The following SCARB1 variants were observed in gnomAD, a reference collection of about 807,000 sequenced individuals.
The protein encoded by SCARB1 is CD36 and LIMPII analogous 1.
SCARB1 carries 30 observed loss-of-function variants against 57.2 expected under a neutral mutation model. That is an observed-to-expected ratio of 0.52 (90% CI 0.39 to 0.71). The LOEUF is 0.71. Among genes scored for constraint, SCARB1 ranks in the 30% least tolerant of loss-of-function variants. The probability of loss-of-function intolerance (pLI) is 0.00; values close to 1 mark genes in which losing one functional copy is unlikely to be tolerated. For synonymous variants in SCARB1, 249 were observed against 268.3 expected (o/e 0.93, Z 0.70); for missense variants, 543 against 671.2 (o/e 0.81, Z 2.11).
At chr12:124,811,813 G>T in intron 5 of SCARB1, 57 bp downstream of exon 5, 2 of 1,261,282 alleles carry the variant, frequency 1.6e-6, no homozygotes, top group Non-Finnish European at 2.3e-6. Flanking sequence ...AGCAGCCATG[G>T]CCGGGCCCAC....
intron 1 of SCARB1, among the ~76,000 whole-genome samples, chr12:124,843,299 G>GGGC (rs1555265361): frequency 1.7e-4 from 24 of 143,264 alleles, no homozygotes; most frequent in African/African-American, 6.2e-4. Flanking sequence ...ATGGGGGGGG[G>GGGC]GGTCTTACTA....
At chr12:124,853,964 G>A (rs1952530963) in intron 1 of SCARB1, among the ~76,000 whole-genome samples, 1 of 152,194 alleles carries the variant, frequency 6.6e-6, no homozygotes, top group Admixed American at 6.5e-5. Flanking sequence ...TTGAGAACCT[G>A]CGATTATGTG....
At chr12:124,794,926 A>G (rs989958161) in intron 9 of SCARB1, among the ~76,000 whole-genome samples, 3 of 152,030 alleles carry the variant, frequency 2.0e-5, no homozygotes, top group Non-Finnish European at 4.4e-5. Flanking sequence ...GCGAGACTCC[A>G]TCTCAAAAAC....
At chr12:124,780,610 G>A (rs1042653162) in intron 12 of SCARB1, among the ~76,000 whole-genome samples, 4 of 152,228 alleles carry the variant, frequency 2.6e-5, no homozygotes, top group Admixed American at 2.0e-4. Flanking sequence ...TAGGGGATCC[G>A]GGGCGCTGGG....
At chr12:124,850,964 A>G (rs141802429) in intron 1 of SCARB1, among the ~76,000 whole-genome samples, 5 of 152,138 alleles carry the variant, frequency 3.3e-5, no homozygotes, top group Non-Finnish European at 7.4e-5. Context: ...TGTGGGCAAG[A>G]ACTACTTCCC....
At chr12:124,786,234 C>T (rs900060937) in intron 11 of SCARB1, 123 bp downstream of exon 11, 23 of 1,598,870 alleles carry the variant, frequency 1.4e-5, no homozygotes, top group Non-Finnish European at 1.9e-5. Flanking sequence ...GGCAGAGACG[C>T]AGGACTGCTG....
At chr12:124,778,930 G>A (rs1018446811) in intron 12 of SCARB1, among the ~76,000 whole-genome samples, 1 of 152,160 alleles carries the variant, frequency 6.6e-6, no homozygotes, top group Non-Finnish European at 1.5e-5. Context: ...CCCTCAGGAG[G>A]AGAACGTATG....
At chr12:124,859,495 C>T (rs1952792427) in intron 1 of SCARB1, among the ~76,000 whole-genome samples, 1 of 151,952 alleles carries the variant, frequency 6.6e-6, no homozygotes, top group Admixed American at 6.6e-5. Context: ...CGTGCCACTG[C>T]ACTCCAGCCT....
Position 124,811,841 on chromosome 12 carries a change from G to A in SCARB1, c.726+29C>T, listed in dbSNP as rs181516117. The A allele has an allele frequency of 1.5e-4, 238 of 1,551,462 alleles. 2 individuals are homozygous for A. The East Asian group carries it at 3.7e-3, about 24-fold the overall frequency. Reference sequence around the variant, plus strand: ...GGGCCCACCCTCCCCTCTCCCTGGCGACAGGGGCCCTCGCCTCTCGCCCCT... The same window carrying A: ...GGGCCCACCCTCCCCTCTCCCTGGCAACAGGGGCCCTCGCCTCTCGCCCCT... On this transcript the variant is annotated intron_variant, in intron 5 of 12. Transcript: ENST00000261693.
At chr12:124,856,054 G>A (rs139148035) in intron 1 of SCARB1, among the ~76,000 whole-genome samples, 9 of 152,342 alleles carry the variant, frequency 5.9e-5, no homozygotes, top group Admixed American at 5.2e-4. Context: ...ATCTCCCGGC[G>A]GAGGCACAGC....
intron 1 of SCARB1, among the ~76,000 whole-genome samples, chr12:124,854,602 G>A (rs956720404): frequency 4.6e-5 from 7 of 152,192 alleles, no homozygotes; most frequent in African/African-American, 7.2e-5. Flanking sequence ...AGGTGATGGC[G>A]CCTCGGGCGT....
chr12:124,828,759 A>C (rs1345888177), intron 1 of SCARB1, among the ~76,000 whole-genome samples: 1 of 152,184 alleles, frequency 6.6e-6, no homozygotes, highest in Non-Finnish European at 1.5e-5. Context: ...GAGCTTCACA[A>C]ATGAATCATT....
intron 1 of SCARB1, 96 bp downstream of exon 1, chr12:124,863,499 C>A: frequency 8.8e-6 from 12 of 1,359,836 alleles, no homozygotes; most frequent in Non-Finnish European, 1.1e-5. Flanking sequence ...GATTCCGCTG[C>A]GGTCGCCCAC....
intron 6 of SCARB1, among the ~76,000 whole-genome samples, chr12:124,809,312 C>T (rs754741084): frequency 4.6e-5 from 7 of 152,098 alleles, no homozygotes; most frequent in Non-Finnish European, 1.0e-4. Context: ...CAGCTGGGTA[C>T]AGTAGCTCAC....
chr12:124,804,084 C>T lies in SCARB1; in HGVS notation c.1009+3677G>A, dbSNP rs574947008. On this transcript the variant is annotated intron_variant, in intron 7 of 12. Coordinates refer to ENST00000261693, the MANE Select transcript of SCARB1 (RefSeq NM_005505.5). ...ACTTTAAGCCTTCCCTACTTTCAGCCTTGTGCTTGGAGTGGGGCCGGCCCA... is the reference window on the plus strand; with the variant it reads ...ACTTTAAGCCTTCCCTACTTTCAGCTTTGTGCTTGGAGTGGGGCCGGCCCA... 1.6e-3 allele frequency among the ~76,000 whole-genome samples: 248 copies of T among 152,288 alleles called. 1 individual carries two copies. The highest frequency in any genetic ancestry group is 2.9e-3 in the Non-Finnish European group (195 of 68,038).
At chr12:124,791,112 A>T (rs959775864) in intron 9 of SCARB1, among the ~76,000 whole-genome samples, 2 of 152,170 alleles carry the variant, frequency 1.3e-5, no homozygotes, top group Non-Finnish European at 2.9e-5. Context: ...GCCAGATGAC[A>T]TGTCACGTGG....
At chr12:124,808,107 C>G (rs61762483) in intron 6 of SCARB1, among the ~76,000 whole-genome samples, 180 bp from the exon 7 acceptor site, 4 of 152,140 alleles carry the variant, frequency 2.6e-5, no homozygotes, top group Admixed American at 2.6e-4. Context: ...CTCTCCGCTC[C>G]GACTCTGCCT....
intron 1 of SCARB1, among the ~76,000 whole-genome samples, chr12:124,829,757 C>T (rs1009527883): frequency 2.6e-5 from 4 of 152,232 alleles, no homozygotes; most frequent in African/African-American, 9.6e-5. Context: ...TTAACCATCT[C>T]TATTGAGCCC....
intron 1 of SCARB1, among the ~76,000 whole-genome samples, chr12:124,825,442 G>A (rs1411850123): frequency 2.6e-5 from 4 of 152,236 alleles, no homozygotes; most frequent in Middle Eastern, 6.8e-3. Context: ...AGGCCGAGGC[G>A]GGTGGATCAC....
Sources: gnomAD v4.1 joint callset for allele counts (sites outside exome capture counted in the v4.1 genomes callset) on GRCh38, gnomAD v4.1.1 for gene constraint, MANE v1.5 for transcripts, NCBI Gene and HGNC (gene_info 2026-07-23, HGNC 2026-07-21) for gene names.